MAP4: variants seen among roughly 807,000 people sequenced by gnomAD.
MAP4 encodes microtubule associated protein 4.
MAP4 carries 76 observed loss-of-function variants against 170.2 expected under a neutral mutation model. That is an observed-to-expected ratio of 0.45 (90% CI 0.37 to 0.54). MAP4 has a LOEUF of 0.54. MAP4 is among the 20% of genes least tolerant of loss of function. The pLI, the probability that MAP4 is intolerant of heterozygous loss-of-function variation, is 0.00. For synonymous variants in MAP4, 909 were observed against 994.5 expected (o/e 0.91, Z 1.62); for missense variants, 2,506 against 2,748.0 (o/e 0.91, Z 1.97).
rs376024449 is a variant in MAP4, at chr3:47,955,415, AAAAT to A, written c.292+22446_292+22449del. Among the ~76,000 whole-genome samples the A allele has an allele frequency of 9.3e-4, 137 of 146,992 alleles. 1 individual carries two copies. The highest frequency in any genetic ancestry group is 2.8e-3 in the African/African-American group (110 of 39,996). Reference sequence around the variant, plus strand: ...GATCTTGATCGCGTGACATTCCAAAAAAATAAATAAATAAGCACGTACACACACA... The same window carrying A: ...GATCTTGATCGCGTGACATTCCAAAAAAATAAATAAGCACGTACACACACA... On this transcript the variant is annotated intron_variant, in intron 3 of 20. Transcript: ENST00000683076.
At chr3:47,928,193 A>G in intron 4 of MAP4, 35 bp downstream of exon 4, 1 of 1,610,498 alleles carries the variant, frequency 6.2e-7, no homozygotes, top group Non-Finnish European at 8.5e-7. Context: ...ATGTCATAGC[A>G]CACATTTAGT....
intron 9 of MAP4, among the ~76,000 whole-genome samples, chr3:47,904,575 T>A (rs183845066): frequency 1.3e-5 from 2 of 149,850 alleles, no homozygotes; most frequent in African/African-American, 4.9e-5. Context: ...GCCAGTGCTA[T>A]TATTATTAAC....
At chr3:47,904,336 G>C (rs1479789839) in intron 9 of MAP4, among the ~76,000 whole-genome samples, 1 of 152,050 alleles carries the variant, frequency 6.6e-6, no homozygotes, top group Non-Finnish European at 1.5e-5. Context: ...TATTTTTTGA[G>C]ATGGAGTCTC....
intron 1 of MAP4, among the ~76,000 whole-genome samples, chr3:48,012,741 T>C (rs1230096231): frequency 2.0e-5 from 3 of 152,034 alleles, no homozygotes; most frequent in African/African-American, 7.2e-5. Flanking sequence ...AAATTCAGCC[T>C]AAGAGGGTAA....
rs111476617 is a variant in MAP4, at chr3:47,852,661, G to A, written c.*273C>T. On this transcript the variant is annotated 3_prime_UTR_variant, in exon 21 of 21. Coordinates refer to ENST00000683076, the MANE Select transcript of MAP4 (RefSeq NM_001385682.1). ...GGCGCAGTGATGGGGCAAGACCAAA[G>A]CAGGGAGATGGGCCCAGGCTGGGGA... 3.0e-3 allele frequency: 3,794 copies of A among 1,282,320 alleles called. 110 individuals are homozygous for A. The African/African-American group carries it at 0.051, about 17-fold the overall frequency. The allele number at this position is 1,282,320 out of a possible 1,614,324, so 79.4% of individuals were successfully genotyped here. A position where few individuals can be genotyped will look rare whatever the true frequency, so the allele number is the denominator to read the frequency against.
chr3:48,084,990 T>G (rs1452654085), intron 1 of MAP4, among the ~76,000 whole-genome samples: 2 of 151,876 alleles, frequency 1.3e-5, no homozygotes, highest in Non-Finnish European at 2.9e-5. Context: ...CTCCTAGCAA[T>G]AAGTCTACAA....
intron 1 of MAP4, among the ~76,000 whole-genome samples, chr3:48,040,625 G>A (rs1192819434): frequency 1.3e-5 from 2 of 151,690 alleles, no homozygotes; most frequent in Non-Finnish European, 2.9e-5. Context: ...GTGCAGTGCC[G>A]CAACCTCGGC....
At chr3:48,044,192 T>C (rs1414828992) in intron 1 of MAP4, among the ~76,000 whole-genome samples, 1 of 148,232 alleles carries the variant, frequency 6.7e-6, no homozygotes, top group African/African-American at 2.5e-5. Context: ...TCTCACTCTG[T>C]TGCCCAGGCT....
At chr3:47,908,813 T>C (rs2100034473) in intron 9 of MAP4, among the ~76,000 whole-genome samples, 1 of 152,192 alleles carries the variant, frequency 6.6e-6, no homozygotes, top group Non-Finnish European at 1.5e-5. Flanking sequence ...CGTTCAGTGC[T>C]GGGTAAAAAA....
chr3:48,048,240 A>T (rs2100125614), intron 1 of MAP4, among the ~76,000 whole-genome samples: 1 of 152,250 alleles, frequency 6.6e-6, no homozygotes, highest in African/African-American at 2.4e-5. Flanking sequence ...TAACCTGATC[A>T]TGGTGCACAC....
Position 48,087,618 on chromosome 3 carries a change from T to G in MAP4, c.-20+1155A>C, listed in dbSNP as rs550673059. ...AATTACAAGCACAAATATCCCCTGA[T>G]GCAATGCCACAACCATCCCTGGGAA... On this transcript the variant is annotated intron_variant, in intron 1 of 18. Coordinates refer to the MAP4 transcript ENST00000360240. Among the ~76,000 whole-genome samples the G allele has an allele frequency of 4.6e-5, 7 of 152,226 alleles. No individual in the cohort carries two copies. The South Asian group carries it at 8.3e-4, about 18-fold the overall frequency.
chr3:47,909,016 T>TGGCAGG, intron 9 of MAP4, 22 bp downstream of exon 9: 1 of 1,596,662 alleles, frequency 6.3e-7, no homozygotes, highest in Non-Finnish European at 8.5e-7. Context: ...AGCACACACA[T>TGGCAGG]TTCCCCATGG....
intron 4 of MAP4, among the ~76,000 whole-genome samples, chr3:47,927,514 T>C (rs2100046737): frequency 6.6e-6 from 1 of 152,126 alleles, no homozygotes. Flanking sequence ...TCGCTCTTGT[T>C]GCCCAGGCTG....
intron 3 of MAP4, among the ~76,000 whole-genome samples, chr3:47,957,037 T>C (rs2100068230): frequency 6.6e-6 from 1 of 152,230 alleles, no homozygotes; most frequent in African/African-American, 2.4e-5. Flanking sequence ...AAGAGATTTG[T>C]CCTCACTAGA....
chr3:47,947,899 C>T (rs1328012552), intron 3 of MAP4, among the ~76,000 whole-genome samples: 1 of 151,816 alleles, frequency 6.6e-6, no homozygotes, highest in African/African-American at 2.4e-5. Flanking sequence ...AAGGCTATGA[C>T]AACAATACTT....
intron 3 of MAP4, among the ~76,000 whole-genome samples, chr3:47,930,927 TAAAAAAA>T (rs766820917): frequency 1.0e-5 from 1 of 100,034 alleles, no homozygotes; most frequent in Non-Finnish European, 2.1e-5. Context: ...AGACTCTGTC[TAAAAAAA>T]AAAAAAAAAA....
chr3:47,903,425 C>T (rs1410579172), intron 9 of MAP4, among the ~76,000 whole-genome samples: 2 of 150,682 alleles, frequency 1.3e-5, no homozygotes, highest in South Asian at 2.1e-4. Flanking sequence ...CCCAGCTACT[C>T]GGGAGGCTGA....
At chr3:47,864,164 T>G (rs372760457) in intron 17 of MAP4, among the ~76,000 whole-genome samples, 31 of 152,192 alleles carry the variant, frequency 2.0e-4, no homozygotes, top group East Asian at 9.7e-4. Context: ...TAATTTAAAA[T>G]TGCTTTGAAA....
chr3:48,056,241 C>G lies in MAP4; in HGVS notation c.-20+32532G>C, dbSNP rs1255325234. 1.8e-4 allele frequency among the ~76,000 whole-genome samples: 23 copies of G among 129,196 alleles called. No individual in the cohort carries two copies. In the South Asian group the frequency reaches 6.4e-3, roughly 36 times the overall value. 84.8% of individuals were successfully genotyped at this position (129,196 alleles called of 152,430 possible). A position where few individuals can be genotyped will look rare whatever the true frequency, so the allele number is the denominator to read the frequency against. ...GGGGTCAGCCCCCCGCCTGGCCAGC[C>G]GTGCCGTCCGGGAGGGAGGTGGGGG... On this transcript the variant is annotated intron_variant, in intron 1 of 18. Transcript: ENST00000360240.
Sources: gnomAD v4.1 joint callset for allele counts (sites outside exome capture counted in the v4.1 genomes callset) on GRCh38, gnomAD v4.1.1 for gene constraint, MANE v1.5 for transcripts, NCBI Gene and HGNC (gene_info 2026-07-23, HGNC 2026-07-21) for gene names.